CCDC73: variants seen among roughly 807,000 people sequenced by gnomAD.
CCDC73 encodes coiled-coil domain containing 73, also known as coiled-coil domain-containing protein 73.
In CCDC73, 95 loss-of-function variants were observed where a neutral mutation model predicts 116.5. That is an observed-to-expected ratio of 0.82 (90% confidence interval 0.69 to 0.97). CCDC73 has a LOEUF of 0.97. Among genes scored for constraint, CCDC73 ranks in the 50% least tolerant of loss-of-function variants. CCDC73 has a pLI of 0.00. For missense variants in CCDC73, 1,066 were observed against 1,206.8 expected (o/e 0.88, Z 1.73); for synonymous variants, 398 against 401.3 (o/e 0.99, Z 0.10).
the CCDC73 span, among the ~76,000 whole-genome samples, chr11:32,829,590 A>G: frequency 6.6e-6 from 1 of 152,086 alleles, no homozygotes; most frequent in East Asian, 1.9e-4. Flanking sequence ...TAACCACAGG[A>G]CTCCTGGCCC....
At chr11:32,744,826 T>C (rs571913962) in intron 2 of CCDC73, among the ~76,000 whole-genome samples, 2 of 152,336 alleles carry the variant, frequency 1.3e-5, no homozygotes, top group East Asian at 3.9e-4. Context: ...TAGCAGTCTA[T>C]CTACTTTGTT....
the CCDC73 span, among the ~76,000 whole-genome samples, chr11:32,813,841 C>T: frequency 5.8e-4 from 89 of 152,272 alleles, no homozygotes; most frequent in Non-Finnish European, 1.1e-3. Context: ...AACTCTCCCT[C>T]GACCATATTC....
At chr11:32,777,396 C>T (rs1850547538) in intron 1 of CCDC73, among the ~76,000 whole-genome samples, 1 of 152,142 alleles carries the variant, frequency 6.6e-6, no homozygotes, top group Non-Finnish European at 1.5e-5. Context: ...TGAGCCACCA[C>T]ACCCAGCCAT....
At chr11:32,807,706 C>A in the CCDC73 span, among the ~76,000 whole-genome samples, 1 of 152,022 alleles carries the variant, frequency 6.6e-6, no homozygotes, top group Admixed American at 6.6e-5. Flanking sequence ...AGATTGGACA[C>A]CCCTGCCATA....
At chr11:32,828,872 A>G in the CCDC73 span, among the ~76,000 whole-genome samples, 1 of 152,270 alleles carries the variant, frequency 6.6e-6, no homozygotes, top group Middle Eastern at 3.2e-3. Flanking sequence ...ACTTTTTGTT[A>G]TGTTTATGCA....
At chr11:32,736,573 C>G (rs955034837) in intron 2 of CCDC73, among the ~76,000 whole-genome samples, 4 of 151,880 alleles carry the variant, frequency 2.6e-5, no homozygotes, top group African/African-American at 9.7e-5. Context: ...GGACGGTAAA[C>G]TAGTTCAACC....
intron 2 of CCDC73, among the ~76,000 whole-genome samples, chr11:32,746,674 T>A (rs1311783577): frequency 1.3e-5 from 2 of 152,230 alleles, no homozygotes; most frequent in Non-Finnish European, 2.9e-5. Flanking sequence ...ATTTCATTAA[T>A]TTGATCTTCA....
At chr11:32,826,857 C>A in the CCDC73 span, among the ~76,000 whole-genome samples, 1 of 151,924 alleles carries the variant, frequency 6.6e-6, no homozygotes, top group Admixed American at 6.6e-5. Context: ...AATATTATAA[C>A]ATTATTATTA....
At chr11:32,793,012 T>C (rs1228520794) in intron 1 of CCDC73, among the ~76,000 whole-genome samples, 1 of 151,062 alleles carries the variant, frequency 6.6e-6, no homozygotes, top group Non-Finnish European at 1.5e-5. Flanking sequence ...TGTACAGTTA[T>C]TACGGGATAC....
intron 17 of CCDC73, among the ~76,000 whole-genome samples, chr11:32,606,799 A>G (rs1855356482): frequency 6.9e-6 from 1 of 145,000 alleles, no homozygotes; most frequent in Non-Finnish European, 1.5e-5. Context: ...TTCTATAAAA[A>G]TAAATTCTTT....
At chr11:32,648,771 G>A (rs1855801441) in intron 12 of CCDC73, among the ~76,000 whole-genome samples, 3 of 152,108 alleles carry the variant, frequency 2.0e-5, no homozygotes, top group Admixed American at 6.5e-5. Flanking sequence ...GGCTGGTCTC[G>A]AATTCCTGAC....
intron 6 of CCDC73, among the ~76,000 whole-genome samples, chr11:32,698,225 C>T (rs1357861262): frequency 3.3e-5 from 5 of 151,666 alleles, no homozygotes; most frequent in East Asian, 3.9e-4. Flanking sequence ...GGGGTTTCAC[C>T]GTGTTAGCCA....
chr11:32,696,502 A>G (rs1021170667), intron 6 of CCDC73, among the ~76,000 whole-genome samples: 2 of 152,090 alleles, frequency 1.3e-5, no homozygotes, highest in Non-Finnish European at 2.9e-5. Flanking sequence ...TCACAGCTCA[A>G]TGCAGCCTCA....
chr11:32,828,133 T>A, the CCDC73 span, among the ~76,000 whole-genome samples: 2 of 152,062 alleles, frequency 1.3e-5, no homozygotes, highest in Non-Finnish European at 2.9e-5. Context: ...TAGGAATAAT[T>A]CAGTTGATTA....
intron 2 of CCDC73, among the ~76,000 whole-genome samples, chr11:32,734,050 G>A (rs951919601): frequency 7.9e-5 from 12 of 152,118 alleles, no homozygotes; most frequent in African/African-American, 2.4e-4. Context: ...AAAAAGGAGA[G>A]AAGAATCAAA....
Position 32,653,993 on chromosome 11 carries a change from A to C in CCDC73, c.819T>G (p.Ile273Met). 1 of 1,599,668 alleles carries C rather than the reference A, an allele frequency of 6.3e-7. No homozygotes were observed. Among genetic ancestry groups the C allele is most frequent in the Non-Finnish European group, 8.5e-7 (1 of 1,173,154 alleles). ...NEKINEEITH[I>M]QEEKQDIIIS... Reference sequence around the variant, plus strand: ...GATTGCTTACCTGTTTTTCTTCTTGAATATGGGTAATCTCTTCATTAATCT... The same window carrying C: ...GATTGCTTACCTGTTTTTCTTCTTGCATATGGGTAATCTCTTCATTAATCT... Residue 273 changes from isoleucine to methionine, a missense_variant, in exon 11 of 18, where the codon ATT becomes ATG. Physicochemically the swap from Ile to Met is conservative, Grantham distance 10. Transcript: ENST00000335185.
Position 32,642,588 on chromosome 11 carries a change from C to CAT in CCDC73, c.940-508_940-507dup, listed in dbSNP as rs1321167787. Among the ~76,000 whole-genome samples the CAT allele has an allele frequency of 5.3e-5, 8 of 151,990 alleles. No homozygotes were observed. The South Asian group carries it at 1.7e-3, about 32-fold the overall frequency. ...TAACTTAATTACTTCATTGAACTAA[C>CAT]ATAACAGAATCACTACCACACTCTC... On this transcript the variant is annotated intron_variant, in intron 12 of 17. Coordinates refer to ENST00000335185, the MANE Select transcript of CCDC73 (RefSeq NM_001008391.4).
chr11:32,786,932 G>C (rs1850634485), intron 1 of CCDC73, among the ~76,000 whole-genome samples: 1 of 152,054 alleles, frequency 6.6e-6, no homozygotes, highest in South Asian at 2.1e-4. Context: ...TCCTTTAATG[G>C]AAGCAAAGCT....
chr11:32,819,977 G>A, the CCDC73 span, among the ~76,000 whole-genome samples: 1 of 151,998 alleles, frequency 6.6e-6, no homozygotes, highest in Non-Finnish European at 1.5e-5. Flanking sequence ...GTGGAATTAG[G>A]CATTTTTCTT....
Sources: gnomAD v4.1 joint callset for allele counts (sites outside exome capture counted in the v4.1 genomes callset) on GRCh38, gnomAD v4.1.1 for gene constraint, MANE v1.5 for transcripts, NCBI Gene and HGNC (gene_info 2026-07-23, HGNC 2026-07-21) for gene names.